TCERG1L: variants seen among roughly 807,000 people sequenced by gnomAD.
TCERG1L encodes transcription elongation regulator 1-like protein.
Under a neutral mutation model 56.3 loss-of-function variants are expected in TCERG1L, and 37 were observed. The observed-to-expected ratio is 0.66, with a 90% CI of 0.51 to 0.87. The LOEUF (loss-of-function observed/expected upper bound fraction) is 0.87, where lower values mean the gene tolerates loss of function less well. TCERG1L is among the 40% of genes least tolerant of loss of function. The probability of loss-of-function intolerance (pLI) is 0.00; values close to 1 mark genes in which losing one functional copy is unlikely to be tolerated. For synonymous variants in TCERG1L, 324 were observed against 326.3 expected, an observed-to-expected ratio of 0.99 and a Z score of 0.08; for missense variants, 799 against 774.2, an observed-to-expected ratio of 1.03 and a Z score of -0.38.
chr10:131,257,052 A>T (rs573480291), intron 4 of TCERG1L, among the ~76,000 whole-genome samples: 1 of 151,148 alleles, frequency 6.6e-6, no homozygotes, highest in South Asian at 2.1e-4. Context: ...AAAGAAAGAA[A>T]GAAAAGAAAG....
intron 4 of TCERG1L, among the ~76,000 whole-genome samples, chr10:131,173,763 C>G (rs1045949977): frequency 6.6e-6 from 1 of 152,242 alleles, no homozygotes; most frequent in Non-Finnish European, 1.5e-5. Flanking sequence ...AGAGGCACGG[C>G]CTGGAGGTGC....
At chr10:131,148,403 TAC>T (rs1389499492) in intron 6 of TCERG1L, among the ~76,000 whole-genome samples, 4 of 146,898 alleles carry the variant, frequency 2.7e-5, no homozygotes, top group African/African-American at 7.6e-5. Flanking sequence ...CACACAGATA[TAC>T]AGAGACACAC....
chr10:131,100,568 T>C (rs962032596), intron 10 of TCERG1L, among the ~76,000 whole-genome samples: 11 of 152,220 alleles, frequency 7.2e-5, no homozygotes, highest in South Asian at 2.1e-4. Context: ...TGTTATATCA[T>C]TGCTGTATGT....
At chr10:131,221,678 C>T (rs1225914466) in intron 4 of TCERG1L, among the ~76,000 whole-genome samples, 1 of 152,182 alleles carries the variant, frequency 6.6e-6, no homozygotes, top group African/African-American at 2.4e-5. Context: ...AACATTTTGT[C>T]ACCGGTTTTT....
intron 4 of TCERG1L, among the ~76,000 whole-genome samples, chr10:131,178,084 C>A (rs544400057): frequency 6.6e-6 from 1 of 152,080 alleles, no homozygotes; most frequent in East Asian, 1.9e-4. Flanking sequence ...GGGGAGCCTG[C>A]GCACTGGGCG....
chr10:131,275,206 T>C (rs566831301), intron 3 of TCERG1L, among the ~76,000 whole-genome samples: 41 of 152,174 alleles, frequency 2.7e-4, no homozygotes, highest in Non-Finnish European at 4.0e-4. Context: ...AGGACCCTGA[T>C]GATGTAAGCT....
At chr10:131,286,766 C>T (rs1332883722) in intron 3 of TCERG1L, among the ~76,000 whole-genome samples, 3 of 152,156 alleles carry the variant, frequency 2.0e-5, no homozygotes, top group Admixed American at 2.0e-4. Context: ...TGTCTTTAGG[C>T]CTCATTGAAT....
intron 3 of TCERG1L, among the ~76,000 whole-genome samples, chr10:131,285,508 GAA>G (rs1381249167): frequency 1.1e-4 from 2 of 17,804 alleles, no homozygotes; most frequent in African/African-American, 2.0e-4. Context: ...AAGAAAGAAA[GAA>G]AGAAAGAAAG....
At chr10:131,157,148 C>T (rs1027114067) in intron 6 of TCERG1L, among the ~76,000 whole-genome samples, 7 of 152,256 alleles carry the variant, frequency 4.6e-5, no homozygotes, top group South Asian at 2.1e-4. Context: ...TAGGATAAAA[C>T]GTGAATCAGC....
intron 4 of TCERG1L, among the ~76,000 whole-genome samples, chr10:131,207,540 C>T (rs1462386984): frequency 6.6e-6 from 1 of 152,240 alleles, no homozygotes. Flanking sequence ...CCATTTTGTT[C>T]TCCCCTGGCT....
chr10:131,245,478 CT>C (rs551595211), intron 4 of TCERG1L, among the ~76,000 whole-genome samples: 144 of 152,268 alleles, frequency 9.5e-4, no homozygotes, highest in Non-Finnish European at 1.3e-3. Context: ...AGTCACTTCC[CT>C]TGAAGAGGGC....
chr10:131,256,233 C>T (rs528136209), intron 4 of TCERG1L, among the ~76,000 whole-genome samples: 8 of 152,310 alleles, frequency 5.3e-5, no homozygotes, highest in Non-Finnish European at 1.2e-4. Flanking sequence ...GAACCTGCTT[C>T]AGCATCTGCA....
Position 131,119,217 on chromosome 10 carries a change from T to G in TCERG1L, c.1260-2283A>C, listed in dbSNP as rs578179000. Among the ~76,000 whole-genome samples, 10 of 152,338 alleles carry G rather than the reference T, an allele frequency of 6.6e-5. No individual in the cohort carries two copies. The South Asian group carries it at 2.1e-3, about 32-fold the overall frequency. ...CATTAGTACCATGTTTAGGATGTAC[T>G]GAGAATATGCAATGCCTTATGTCTA... is the stretch of plus-strand genomic sequence containing the variant. On this transcript the variant is annotated intron_variant, in intron 8 of 11. Transcript: ENST00000368642.
At chr10:131,203,336 A>C (rs1845466836) in intron 4 of TCERG1L, among the ~76,000 whole-genome samples, 1 of 150,560 alleles carries the variant, frequency 6.6e-6, no homozygotes, top group Non-Finnish European at 1.5e-5. Flanking sequence ...GACTTCCAGT[A>C]TGTCACAGTG....
chr10:131,214,718 C>T (rs1029252336), intron 4 of TCERG1L, among the ~76,000 whole-genome samples: 3 of 152,194 alleles, frequency 2.0e-5, no homozygotes, highest in Non-Finnish European at 4.4e-5. Context: ...TGGGTGGTGT[C>T]CACGCAGTGG....
intron 6 of TCERG1L, among the ~76,000 whole-genome samples, chr10:131,157,629 AAAT>A (rs969102877): frequency 2.0e-5 from 3 of 152,222 alleles, no homozygotes; most frequent in African/African-American, 4.8e-5. Context: ...AAGGAGACTA[AAAT>A]AATAATAATG....
chr10:131,202,303 C>A (rs748038489), intron 4 of TCERG1L, among the ~76,000 whole-genome samples: 2 of 152,194 alleles, frequency 1.3e-5, no homozygotes, highest in Non-Finnish European at 2.9e-5. Context: ...ACTTTTTCGC[C>A]GGGCGCGGTG....
intron 9 of TCERG1L, among the ~76,000 whole-genome samples, chr10:131,109,484 CTG>C (rs1266053536): frequency 6.6e-6 from 1 of 152,090 alleles, no homozygotes; most frequent in East Asian, 1.9e-4. Context: ...GTGTCTGTGT[CTG>C]TGTCTGTGGC....
intron 4 of TCERG1L, among the ~76,000 whole-genome samples, chr10:131,180,159 G>A (rs769571040): frequency 2.0e-5 from 3 of 152,184 alleles, no homozygotes; most frequent in Non-Finnish European, 2.9e-5. Flanking sequence ...ATTGAAGTGA[G>A]ACCCCAAGGA....
Sources: allele counts gnomAD v4.1 joint callset (sites outside exome capture counted in the v4.1 genomes callset), GRCh38; gene constraint gnomAD v4.1.1; transcripts MANE v1.5; gene names NCBI Gene and HGNC (gene_info 2026-07-23, HGNC 2026-07-21).